BCAT1: variants seen among roughly 807,000 people sequenced by gnomAD.
BCAT1 encodes the protein branched-chain-amino-acid aminotransferase, cytosolic.
BCAT1 carries 48 observed loss-of-function variants against 52.4 expected under a neutral mutation model. That is an observed-to-expected ratio of 0.92 (90% CI 0.73 to 1.16). BCAT1 has a LOEUF of 1.16. BCAT1 is among the 50% of genes most tolerant of loss of function. The probability of loss-of-function intolerance (pLI) is 0.00; values close to 1 mark genes in which losing one functional copy is unlikely to be tolerated. For synonymous variants in BCAT1, 167 were observed against 161.3 expected, an observed-to-expected ratio of 1.04 and a Z score of -0.27; for missense variants, 451 against 457.1, an observed-to-expected ratio of 0.99 and a Z score of 0.12.
rs1425679704 is a variant in BCAT1, at chr12:24,819,581, A to G, written c.1120-1532T>C. Among the ~76,000 whole-genome samples, 5 of 152,282 alleles carry G rather than the reference A, an allele frequency of 3.3e-5. 1 individual carries two copies. Among genetic ancestry groups the G allele is most frequent in the Admixed American group, 2.6e-4 (4 of 15,298 alleles). On this transcript the variant is annotated intron_variant, in intron 10 of 10. Transcript: ENST00000261192. ...AATCCAAGCTTCTCATCTTACATAT[A>G]AGGACACTAAGGCTCTAGGTCACCC...
chr12:24,862,413 C>T (rs577613346), intron 5 of BCAT1, among the ~76,000 whole-genome samples: 3 of 152,336 alleles, frequency 2.0e-5, no homozygotes, highest in African/African-American at 7.2e-5. Flanking sequence ...TTCAACACAA[C>T]AACAAGAATT....
At chr12:24,900,313 AT>A (rs1424920091) in intron 2 of BCAT1, among the ~76,000 whole-genome samples, 2 of 152,204 alleles carry the variant, frequency 1.3e-5, no homozygotes. Flanking sequence ...ATGGCCAGGC[AT>A]TGTGGCTTAT....
At chr12:24,896,509 C>T (rs989278687) in intron 2 of BCAT1, among the ~76,000 whole-genome samples, 2 of 152,122 alleles carry the variant, frequency 1.3e-5, no homozygotes, top group Admixed American at 6.5e-5. Flanking sequence ...AGTGGCACAC[C>T]CTGAATCCCA....
chr12:24,900,270 G>A (rs1236598378), intron 2 of BCAT1, among the ~76,000 whole-genome samples: 1 of 152,082 alleles, frequency 6.6e-6, no homozygotes, highest in Non-Finnish European at 1.5e-5. Context: ...CTAATATACA[G>A]AAATCTAAAT....
chr12:24,946,168 T>G (rs1943930441), intron 1 of BCAT1, among the ~76,000 whole-genome samples: 1 of 152,246 alleles, frequency 6.6e-6, no homozygotes, highest in African/African-American at 2.4e-5. Flanking sequence ...AATCTTTCAT[T>G]TATGCACAGG....
At chr12:24,837,130 G>GA (rs1941008603) in intron 7 of BCAT1, among the ~76,000 whole-genome samples, 1 of 58,702 alleles carries the variant, frequency 1.7e-5, no homozygotes, top group Non-Finnish European at 4.8e-5. Flanking sequence ...GGGAGGAAGG[G>GA]GGGAGGGAAG....
chr12:24,832,696 T>C (rs772910821), intron 9 of BCAT1, 27 bp downstream of exon 9: 5 of 1,580,184 alleles, frequency 3.2e-6, no homozygotes, highest in South Asian at 1.2e-5. Context: ...TTGGAAATGA[T>C]AGGAAATGAG....
At chr12:24,888,179 C>T (rs369141703) in intron 3 of BCAT1, among the ~76,000 whole-genome samples, 20 of 152,110 alleles carry the variant, frequency 1.3e-4, no homozygotes, top group African/African-American at 4.6e-4. Context: ...GAAATTAAAT[C>T]CCTGCCTAAC....
In BCAT1 at chr12:24,928,926, T is replaced by C. The variant is rs528273039; in HGVS notation, c.6+20001A>G. Among the ~76,000 whole-genome samples the C allele has an allele frequency of 4.2e-4, 64 of 152,048 alleles. 2 individuals carry two copies. The South Asian group carries it at 0.013, about 32-fold the overall frequency. On this transcript the variant is annotated intron_variant, in intron 1 of 10. Coordinates refer to ENST00000261192, the MANE Select transcript of BCAT1 (RefSeq NM_005504.7). ...ATTTTTTTTATTTTATTTTATTTTA[T>C]TGTATTGTATTTTTAGTAGAGAAGG... is the stretch of plus-strand genomic sequence containing the variant.
intron 1 of BCAT1, among the ~76,000 whole-genome samples, chr12:24,933,808 C>T (rs966194613): frequency 6.6e-6 from 1 of 151,972 alleles, no homozygotes; most frequent in Non-Finnish European, 1.5e-5. Flanking sequence ...GAAACACCGG[C>T]GGGTGGCGAA....
Position 24,832,706 on chromosome 12 carries a change from G to T in BCAT1, c.1044+17C>A, listed in dbSNP as rs765110099. 6.3e-7 allele frequency: 1 copy of T among 1,594,040 alleles called. No individual in the cohort carries two copies. The highest frequency in any genetic ancestry group is 1.1e-5 in the South Asian group (1 of 87,384). On this transcript the variant is annotated intron_variant, in intron 9 of 10. Coordinates refer to ENST00000261192, the MANE Select transcript of BCAT1 (RefSeq NM_005504.7). The stretch of plus-strand genomic sequence containing the variant: ...TGTGATTGGAAATGATAGGAAATGA[G>T]GAAATACTTGTCGTACCTCGCCTTT...
intron 6 of BCAT1, among the ~76,000 whole-genome samples, chr12:24,843,298 T>C (rs1445419086): frequency 6.6e-6 from 1 of 152,158 alleles, no homozygotes; most frequent in Non-Finnish European, 1.5e-5. Context: ...TTTGTACTGT[T>C]GTCTAAATAA....
intron 2 of BCAT1, among the ~76,000 whole-genome samples, chr12:24,899,011 C>A: frequency 6.6e-6 from 1 of 152,150 alleles, no homozygotes; most frequent in East Asian, 1.9e-4. Flanking sequence ...CTTTTAAAAT[C>A]TAATAAAGAG....
At chr12:24,913,673 G>T (rs7305924) in intron 1 of BCAT1, among the ~76,000 whole-genome samples, 60,332 of 152,016 alleles carry the variant, frequency 0.4, 14,354 homozygotes, top group Middle Eastern at 0.62. Context: ...GAGCCACGTA[G>T]AAATATGATT....
chr12:24,901,974 G>A, intron 1 of BCAT1, 89 bp from the exon 2 acceptor site: 1 of 1,609,370 alleles, frequency 6.2e-7, no homozygotes, highest in Non-Finnish European at 8.5e-7. Flanking sequence ...ATGATACCGT[G>A]CGCTCCTCTC....
Position 24,944,533 on chromosome 12 carries a change from T to C in BCAT1, c.6+4394A>G, listed in dbSNP as rs73293787. 4.1e-3 allele frequency among the ~76,000 whole-genome samples: 623 copies of C among 152,366 alleles called. 4 individuals are homozygous for C. The highest frequency in any genetic ancestry group is 0.014 in the African/African-American group (595 of 41,578). On this transcript the variant is annotated intron_variant, in intron 1 of 10. Transcript: ENST00000261192. ...CAGGTGCTCCTTCCGTCTCAACTTC[T>C]ATGGAGTCAAATAGAATTTGATCTG...
At chr12:24,947,954 TTTTG>T (rs1426564693) in intron 1 of BCAT1, among the ~76,000 whole-genome samples, 1 of 152,234 alleles carries the variant, frequency 6.6e-6, no homozygotes, top group Non-Finnish European at 1.5e-5. Context: ...TAGTGAAAGT[TTTTG>T]TTTGGCAACA....
In BCAT1 at chr12:24,812,650, G is replaced by T. The variant is rs145793742; in HGVS notation, c.*5358C>A. The T allele has an allele frequency of 6.6e-6, 1 of 152,076 alleles. No individual in the cohort carries two copies. Among genetic ancestry groups the T allele is most frequent in the South Asian group, 2.1e-4 (1 of 4,826 alleles). The allele number at this position is 152,076 out of a possible 1,614,324, so 9.4% of individuals were successfully genotyped here. A position where few individuals can be genotyped will look rare whatever the true frequency, so the allele number is the denominator to read the frequency against. On this transcript the variant is annotated 3_prime_UTR_variant, in exon 11 of 11. Transcript: ENST00000261192. ...CAATGCTTGACAGAATAAGGAAAAA[G>T]CTCCTTTGGATAACACAAAAATATG...
At chr12:24,910,465 T>A (rs1943304847) in intron 1 of BCAT1, among the ~76,000 whole-genome samples, 1 of 152,150 alleles carries the variant, frequency 6.6e-6, no homozygotes, top group Admixed American at 6.5e-5. Flanking sequence ...TGGTTGGTTA[T>A]ATAGCAATGT....
Sources: gnomAD v4.1 joint callset for allele counts (sites outside exome capture counted in the v4.1 genomes callset) on GRCh38, gnomAD v4.1.1 for gene constraint, MANE v1.5 for transcripts, NCBI Gene and HGNC (gene_info 2026-07-23, HGNC 2026-07-21) for gene names.